The following SCUBE1 variants were observed in gnomAD, a reference collection of about 807,000 sequenced individuals.
SCUBE1 encodes signal peptide, CUB domain and EGF like domain containing 1.
SCUBE1 carries 59 observed loss-of-function variants against 124.4 expected under a neutral mutation model. The observed-to-expected ratio is 0.47, with a 90% CI of 0.38 to 0.59. The LOEUF is 0.59. Among genes scored for constraint, SCUBE1 ranks in the 20% least tolerant of loss-of-function variants. The pLI, the probability that SCUBE1 is intolerant of heterozygous loss-of-function variation, is 0.00. For synonymous variants in SCUBE1, 545 were observed against 550.9 expected (o/e 0.99, Z 0.15); for missense variants, 1,150 against 1,371.2 (o/e 0.84, Z 2.55).
intron 17 of SCUBE1, 39 bp downstream of exon 17, chr22:43,212,386 T>A (rs147597838): frequency 1.4e-5 from 21 of 1,541,414 alleles, no homozygotes; most frequent in Non-Finnish European, 1.8e-5. Context: ...CAGCCCTGCC[T>A]CTCGGGGTGG....
intron 6 of SCUBE1, among the ~76,000 whole-genome samples, chr22:43,252,405 G>A (rs369701731): frequency 5.3e-5 from 8 of 152,300 alleles, no homozygotes; most frequent in East Asian, 3.9e-4. Context: ...TGGCTTGCAG[G>A]TTCTGCCAGG....
intron 4 of SCUBE1, among the ~76,000 whole-genome samples, chr22:43,280,048 A>G (rs1924700228): frequency 6.6e-6 from 1 of 152,168 alleles, no homozygotes; most frequent in Non-Finnish European, 1.5e-5. Context: ...GCCAGGCCTG[A>G]GCCAGCCAGT....
chr22:43,212,316 C>T (rs995803097), intron 17 of SCUBE1, 109 bp downstream of exon 17: 5 of 1,260,868 alleles, frequency 4.0e-6, no homozygotes, highest in African/African-American at 3.0e-5. Context: ...CTCCTCTGAG[C>T]TGGGAGGTTC....
chr22:43,222,444 C>T (rs1303418918), intron 12 of SCUBE1, among the ~76,000 whole-genome samples, 194 bp downstream of exon 12: 1 of 152,190 alleles, frequency 6.6e-6, no homozygotes, highest in Non-Finnish European at 1.5e-5. Context: ...TGACCCTGGG[C>T]TAGAACTCGG....
At position 43,289,326 on chromosome 22, in the gene SCUBE1, C is replaced by A. The variant is rs73886572; in HGVS notation, c.484+1720G>T. 5.0e-3 allele frequency among the ~76,000 whole-genome samples: 760 copies of A among 152,340 alleles called. 9 individuals carry two copies. The highest frequency in any genetic ancestry group is 0.018 in the African/African-American group (734 of 41,572). ...GCCTCCACCGTGGGCAGCTTGGCCC[C>A]ACAGCCCACAACTGGGAGGTCTTAC... On this transcript the variant is annotated intron_variant, in intron 4 of 21. Transcript: ENST00000360835.
chr22:43,307,619 G>A (rs1044655466), intron 3 of SCUBE1, among the ~76,000 whole-genome samples: 7 of 152,158 alleles, frequency 4.6e-5, no homozygotes, highest in African/African-American at 1.7e-4. Context: ...GTTCCAAACT[G>A]AGGTCCAGAG....
intron 3 of SCUBE1, among the ~76,000 whole-genome samples, chr22:43,307,567 G>A (rs1323951563): frequency 6.6e-6 from 1 of 152,184 alleles, no homozygotes; most frequent in Admixed American, 6.5e-5. Flanking sequence ...GTCACGGGAT[G>A]CTGGAAGGAG....
At chr22:43,274,085 A>C (rs1924401928) in intron 4 of SCUBE1, among the ~76,000 whole-genome samples, 1 of 151,910 alleles carries the variant, frequency 6.6e-6, no homozygotes. Flanking sequence ...ACTAGGTGTC[A>C]CCGCAATCAA....
At chr22:43,333,759 C>T (rs1466538949) in intron 2 of SCUBE1, among the ~76,000 whole-genome samples, 2 of 152,364 alleles carry the variant, frequency 1.3e-5, no homozygotes, top group East Asian at 3.9e-4. Context: ...GGCTTAAATT[C>T]TAGCTCTCCT....
At position 43,255,905 on chromosome 22, in the gene SCUBE1, G is replaced by T. The variant is rs1056626407; in HGVS notation, c.727+2314C>A. 1.3e-5 allele frequency among the ~76,000 whole-genome samples: 2 copies of T among 152,158 alleles called. No homozygotes were observed. The highest frequency in any genetic ancestry group is 2.9e-5 in the Non-Finnish European group (2 of 68,038). On this transcript the variant is annotated intron_variant, in intron 6 of 21. Transcript: ENST00000360835. This position sits in a 1 kb window ranked among gnomAD's most constrained non-coding sequence, Gnocchi z 4.7. The stretch of plus-strand genomic sequence containing the variant: ...AGGTCAGGGCAGACGGGATTCGTCC[G>T]CAGAGAGCCACAGAAGCAGAAAGCA...
Position 43,211,149 on chromosome 22 carries a change from G to C in SCUBE1, c.2222-66C>G. On this transcript the variant is annotated intron_variant, in intron 17 of 21. Coordinates refer to ENST00000360835, the MANE Select transcript of SCUBE1 (RefSeq NM_173050.5). The surrounding 1 kb of genome is among the most constrained non-coding windows in gnomAD (Gnocchi z 4.5). Reference sequence around the variant, plus strand: ...TGCAGGGAAAGGGCAGCACTGGGGTGCTGTCCCCAGGACCTCTCATGCCCT... The same window carrying C: ...TGCAGGGAAAGGGCAGCACTGGGGTCCTGTCCCCAGGACCTCTCATGCCCT... 2.0e-6 allele frequency: 3 copies of C among 1,503,934 alleles called. No individual in the cohort carries two copies. The South Asian group carries it at 3.6e-5, about 18-fold the overall frequency. The allele number at this position is 1,503,934 out of a possible 1,614,324, so 93.2% of individuals were successfully genotyped here.
chr22:43,198,412 C>T lies in SCUBE1; in HGVS notation c.*5585G>A. 5.1e-6 allele frequency: 2 copies of T among 389,662 alleles called. No individual in the cohort carries two copies. Among genetic ancestry groups the T allele is most frequent in the East Asian group, 7.2e-5 (1 of 13,830 alleles). The allele number at this position is 389,662 out of a possible 1,614,324, so 24.1% of individuals were successfully genotyped here. On this transcript the variant is annotated 3_prime_UTR_variant, in exon 22 of 22. Coordinates refer to ENST00000360835, the MANE Select transcript of SCUBE1 (RefSeq NM_173050.5). ...GGATGCTTTGCCCACACCTGATGTC[C>T]TTTCCAAGAGCAAGGCAGGTGGGAT...
At chr22:43,230,539 G>A (rs1410855505) in intron 8 of SCUBE1, among the ~76,000 whole-genome samples, 1 of 152,212 alleles carries the variant, frequency 6.6e-6, no homozygotes, top group Admixed American at 6.5e-5. Context: ...GGGGGCAGCT[G>A]GGATGCAAGG....
At chr22:43,278,336 G>T (rs192777169) in intron 4 of SCUBE1, among the ~76,000 whole-genome samples, 8 of 152,370 alleles carry the variant, frequency 5.3e-5, no homozygotes, top group Admixed American at 4.6e-4. Context: ...CTTCTCCAAG[G>T]AGTGGCTGAA....
chr22:43,323,007 G>A (rs1188635868), intron 2 of SCUBE1, among the ~76,000 whole-genome samples: 1 of 152,186 alleles, frequency 6.6e-6, no homozygotes, highest in Non-Finnish European at 1.5e-5. Context: ...CATAGTAAGT[G>A]GTAGGGCAAG....
intron 4 of SCUBE1, among the ~76,000 whole-genome samples, chr22:43,289,412 C>T (rs756858150): frequency 9.2e-5 from 14 of 152,216 alleles, no homozygotes; most frequent in Non-Finnish European, 1.8e-4. Context: ...GACAATGTGA[C>T]AGCAGCAAGT....
Position 43,222,646 on chromosome 22 carries a change from C to T in SCUBE1, c.1424G>A (p.Ser475Asn), listed in dbSNP as rs143856363. Residue 475 changes from serine to asparagine, a missense_variant, in exon 12 of 22, where the codon AGC becomes AAC. This residue lies in a region of SCUBE1 where 757 missense variants were observed against 840.9 expected (regional missense o/e 0.90). Transcript: ENST00000360835. ...CAGGCCGGGGGGGTTACCTGAGCAG[C>T]TGGGCCCGAGGCCAGAGCTGGTGCC... is the stretch of plus-strand genomic sequence containing the variant. ...RNGTSSGLGP[S>N]CSDAPTTPIK... 8.1e-5 allele frequency: 128 copies of T among 1,589,522 alleles called. No individual in the cohort carries two copies. In the African/African-American group the frequency reaches 1.5e-3, roughly 19 times the overall value.
chr22:43,248,378 C>T (rs1053516992), intron 6 of SCUBE1, among the ~76,000 whole-genome samples: 9 of 152,222 alleles, frequency 5.9e-5, no homozygotes, highest in Admixed American at 2.0e-4. Flanking sequence ...CCCGAGCCCT[C>T]GTCTTTTCTC....
At chr22:43,219,271 C>T (rs1921976807) in intron 14 of SCUBE1, among the ~76,000 whole-genome samples, 1 of 152,098 alleles carries the variant, frequency 6.6e-6, no homozygotes, top group South Asian at 2.1e-4. Context: ...CACCCCCTCC[C>T]CTCTCTCTTG....
Sources: gnomAD v4.1 joint callset for allele counts (sites outside exome capture counted in the v4.1 genomes callset) on GRCh38, gnomAD v4.1.1 for gene constraint, gnomAD v4.1.1 regional missense constraint, Gnocchi (gnomAD v3.1) non-coding constraint, MANE v1.5 for transcripts, NCBI Gene and HGNC (gene_info 2026-07-23, HGNC 2026-07-21) for gene names.